The following HMGXB4 variants were observed in gnomAD, a reference collection of about 807,000 sequenced individuals.
HMGXB4 encodes HMG domain-containing protein 4.
Under a neutral mutation model 63.9 loss-of-function variants are expected in HMGXB4, and 27 were observed. The observed-to-expected ratio is 0.42, with a 90% CI of 0.31 to 0.58. The LOEUF (loss-of-function observed/expected upper bound fraction) is 0.58. Among genes scored for constraint, HMGXB4 ranks in the 20% least tolerant of loss-of-function variants. The pLI is 0.13. For missense variants in HMGXB4, 624 were observed against 700.7 expected, an observed-to-expected ratio of 0.89 and a Z score of 1.24; for synonymous variants, 264 against 265.3, an observed-to-expected ratio of 0.99 and a Z score of 0.05.
rs760634441 is a variant in HMGXB4, at chr22:35,283,992, G to T, written c.1246G>T (p.Val416Leu). The T allele has an allele frequency of 6.2e-7, 1 of 1,614,066 alleles. No homozygotes were observed. The highest frequency in any genetic ancestry group is 8.5e-7 in the Non-Finnish European group (1 of 1,179,924). The change falls in exon 6 of 11, where the codon GTG becomes TTG. Residue 416 changes from valine (V) to leucine (L), a missense_variant. Transcript: ENST00000216106. Reference protein sequence around the residue: ...PKKKNMSAYQVFCKEYRVTIV... With the variant: ...PKKKNMSAYQLFCKEYRVTIV... ...AAAGAAGAACATGTCGGCCTACCAG[G>T]TGTTCTGTAAAGAGTATCGCGTGAC...
Position 35,288,398 on chromosome 22 carries a change from G to A in HMGXB4, c.1629G>A (p.Gln543=). Residue 543 remains glutamine, a synonymous_variant, in exon 9 of 11, where the codon CAG becomes CAA. Transcript: ENST00000216106. ...TAAGCCTCATTGGACACCGTCTGCA[G>A]GAAACTGAGGTGAATACAACTATCA... The part of the protein sequence containing the change: ...ESLSLIGHRL[Q]ETEGMVAVSG... 3.8e-6 allele frequency: 6 copies of A among 1,593,010 alleles called. No individual in the cohort carries two copies. Among genetic ancestry groups the A allele is most frequent in the South Asian group, 1.1e-5 (1 of 88,034 alleles).
rs1923107321 is a variant in HMGXB4, at chr22:35,264,950, G to A, written c.562G>A (p.Asp188Asn). ...AGAGACACTGACCCTTCGGGAGCCT[G>A]ATGGTTTAAAAATGAAACTTATTCT... is the stretch of plus-strand genomic sequence containing the variant. ...NTETLTLREP[D>N]GLKMKLILSP... is the part of the protein sequence containing the mutation. Residue 188 changes from aspartate to asparagine, a missense_variant, in exon 5 of 11, where the codon GAT becomes AAT. Physicochemically the swap from Asp to Asn is conservative, Grantham distance 23. Around this residue, in one of 2 missense-constraint regions of HMGXB4, gnomAD observed 472 missense variants for 470.6 expected, o/e 1.00. Transcript: ENST00000216106. The A allele has an allele frequency of 6.2e-7, 1 of 1,613,934 alleles. No individual in the cohort carries two copies. Among genetic ancestry groups the A allele is most frequent in the Non-Finnish European group, 8.5e-7 (1 of 1,180,000 alleles).
chr22:35,265,690 G>A, intron 5 of HMGXB4, 87 bp downstream of exon 5: 1 of 1,437,130 alleles, frequency 7.0e-7, no homozygotes, highest in Non-Finnish European at 9.1e-7. Context: ...AAGCAGTTGA[G>A]GTAAACCACT....
intron 5 of HMGXB4, among the ~76,000 whole-genome samples, chr22:35,277,261 C>A (rs1173007835): frequency 6.6e-6 from 1 of 152,194 alleles, no homozygotes; most frequent in Non-Finnish European, 1.5e-5. Context: ...AATTCGAGAC[C>A]AGCCAGAGAC....
chr22:35,243,269 C>A, the HMGXB4 span, among the ~76,000 whole-genome samples: 15 of 152,054 alleles, frequency 9.9e-5, no homozygotes, highest in Non-Finnish European at 2.2e-4. Flanking sequence ...ACTTGGGAGG[C>A]TGAGGCAGGA....
Position 35,265,146 on chromosome 22 carries a change from A to T in HMGXB4, c.758A>T (p.Lys253Met), listed in dbSNP as rs141408412. ...SFLKTARKKH[K>M]SSSDAHSSPG... ...CTGAAAACAGCCCGGAAAAAGCACAAGTCATCCTCAGACGCACATTCATCT... is the reference window on the plus strand; with the variant it reads ...CTGAAAACAGCCCGGAAAAAGCACATGTCATCCTCAGACGCACATTCATCT... The change falls in exon 5 of 11, where the codon AAG (lysine) becomes ATG (methionine). Residue 253 changes from lysine (K) to methionine (M), a missense_variant. Lys to Met is a moderately conservative substitution (Grantham distance 95). Transcript: ENST00000216106. The T allele has an allele frequency of 6.8e-6, 11 of 1,614,068 alleles. No individual in the cohort carries two copies. In the African/African-American group the frequency reaches 1.3e-4, roughly 20 times the overall value.
chr22:35,273,302 T>C (rs1028331032), intron 5 of HMGXB4, among the ~76,000 whole-genome samples: 4 of 152,226 alleles, frequency 2.6e-5, no homozygotes, highest in African/African-American at 9.6e-5. Flanking sequence ...ATCTTTCCAC[T>C]ATGCCACATG....
chr22:35,248,231 T>C, the HMGXB4 span, among the ~76,000 whole-genome samples: 1 of 152,078 alleles, frequency 6.6e-6, no homozygotes, highest in Non-Finnish European at 1.5e-5. Flanking sequence ...AAGAAATACC[T>C]GAGGCTGGGT....
At chr22:35,252,326 C>T in the HMGXB4 span, among the ~76,000 whole-genome samples, 1 of 152,240 alleles carries the variant, frequency 6.6e-6, no homozygotes, top group Non-Finnish European at 1.5e-5. Context: ...AGAACATATG[C>T]ATCTTGCATA....
Position 35,262,418 on chromosome 22 carries a change from G to T in HMGXB4, c.28G>T (p.Glu10Ter). The change falls in exon 2 of 11, where the codon GAA becomes TAA. Residue 10 changes from glutamate to a stop codon, truncating the protein, a stop_gained. Coordinates refer to ENST00000216106, the MANE Select transcript of HMGXB4 (RefSeq NM_001003681.3). LOFTEE classifies it high-confidence loss of function. MAYDDSVKKEDCFDGDHTFE... is the reference protein window; with the variant it reads MAYDDSVKK Reference sequence around the variant, plus strand: ...GGCTTATGATGACTCCGTGAAGAAAGAAGGTATGACCCCATAATCTGAGAA... The same window carrying T: ...GGCTTATGATGACTCCGTGAAGAAATAAGGTATGACCCCATAATCTGAGAA... The T allele has an allele frequency of 1.9e-6, 3 of 1,613,980 alleles. No individual in the cohort carries two copies. The highest frequency in any genetic ancestry group is 2.5e-6 in the Non-Finnish European group (3 of 1,179,798).
the HMGXB4 span, among the ~76,000 whole-genome samples, chr22:35,251,018 T>C: frequency 6.6e-6 from 1 of 151,720 alleles, no homozygotes; most frequent in African/African-American, 2.4e-5. Context: ...CTACAGACAA[T>C]GGGGGATGGA....
chr22:35,245,061 A>G, the HMGXB4 span, among the ~76,000 whole-genome samples: 2 of 152,070 alleles, frequency 1.3e-5, no homozygotes, highest in African/African-American at 4.8e-5. Context: ...TTTAGTAGAG[A>G]CGGGGTTTCA....
rs1368808066 is a variant in HMGXB4, at chr22:35,295,304, T to G, written c.*1653T>G. On this transcript the variant is annotated 3_prime_UTR_variant, in exon 11 of 11. Transcript: ENST00000216106. The stretch of plus-strand genomic sequence containing the variant: ...TCCCTTTCTCAGCTCAGAGCAGTTT[T>G]AAGATTTAATTGGGAATACAGAGAA... The G allele has an allele frequency of 6.6e-6, 1 of 152,306 alleles. No individual in the cohort carries two copies. Among genetic ancestry groups the G allele is most frequent in the East Asian group, 1.9e-4 (1 of 5,202 alleles). 9.4% of individuals were successfully genotyped at this position (152,306 alleles called of 1,614,324 possible).
At chr22:35,248,725 C>G in the HMGXB4 span, among the ~76,000 whole-genome samples, 1,192 of 152,182 alleles carry the variant, frequency 7.8e-3, 10 homozygotes, top group African/African-American at 0.028. Flanking sequence ...TTTTAAACAA[C>G]CAGATCTCTA....
the HMGXB4 span, among the ~76,000 whole-genome samples, chr22:35,248,806 C>T: frequency 2.0e-4 from 31 of 152,226 alleles, no homozygotes; most frequent in East Asian, 1.2e-3. Flanking sequence ...AGGATCCCCC[C>T]CCATGATCCA....
intron 5 of HMGXB4, among the ~76,000 whole-genome samples, chr22:35,280,951 A>C (rs2146429205): frequency 6.6e-6 from 1 of 152,302 alleles, no homozygotes. Flanking sequence ...TTTCCCTATA[A>C]TAGCACTGTG....
chr22:35,286,560 CAT>C (rs1924589152), intron 7 of HMGXB4, among the ~76,000 whole-genome samples: 1 of 152,170 alleles, frequency 6.6e-6, no homozygotes, highest in South Asian at 2.1e-4. Flanking sequence ...GATAAACAGT[CAT>C]ATCTGGGCTG....
intron 1 of HMGXB4, among the ~76,000 whole-genome samples, chr22:35,259,535 CAG>C (rs1922703313): frequency 6.9e-6 from 1 of 144,640 alleles, no homozygotes; most frequent in African/African-American, 2.4e-5. Context: ...GAAGGAATAT[CAG>C]GGGTTCATCT....
chr22:35,249,576 G>A, the HMGXB4 span, among the ~76,000 whole-genome samples: 2 of 97,626 alleles, frequency 2.0e-5, 1 homozygote, highest in African/African-American at 5.2e-5. Flanking sequence ...GCTGGGGATA[G>A]ATCTGGGGCC....
Sources: allele counts gnomAD v4.1 joint callset (sites outside exome capture counted in the v4.1 genomes callset), GRCh38; gene constraint gnomAD v4.1.1; regional missense constraint gnomAD v4.1.1; transcripts MANE v1.5; gene names NCBI Gene and HGNC (gene_info 2026-07-23, HGNC 2026-07-21).